The following TPD52 variants were observed in gnomAD, a reference collection of about 807,000 sequenced individuals.
TPD52 encodes tumor protein D52, also known as prostate and colon associated protein.
Under a neutral mutation model 31.3 loss-of-function variants are expected in TPD52, and 17 were observed. The observed-to-expected ratio is 0.54, with a 90% CI of 0.37 to 0.82. The LOEUF is 0.82. Among genes scored for constraint, TPD52 ranks in the 40% least tolerant of loss-of-function variants. The pLI is 0.00. For synonymous variants in TPD52, 83 were observed against 89.6 expected (o/e 0.93, Z 0.42); for missense variants, 212 against 240.1 (o/e 0.88, Z 0.77).
rs116382023 is a variant in TPD52 at position 80,171,332 on chromosome 8, C to T, written c.19+93G>A. 2.6e-3 allele frequency: 4,017 copies of T among 1,531,738 alleles called. 95 individuals carry two copies. In the African/African-American group the frequency reaches 0.049, roughly 19 times the overall value. The allele number at this position is 1,531,738 out of a possible 1,614,324, so 94.9% of individuals were successfully genotyped here. ...CAGGAGGCTCGGCACCTGCTCGAGC[C>T]GCCGGGCCGCGCTCAGCCCCGCGCC... On this transcript the variant is annotated intron_variant, in intron 1 of 7. Transcript: ENST00000518937.
chr8:80,067,414 C>G (rs531403391), intron 1 of TPD52: 5 of 152,012 alleles, frequency 3.3e-5, no homozygotes, highest in African/African-American at 4.8e-5. Flanking sequence ...TGGTAGATAC[C>G]AAAATCACCA....
At chr8:80,032,279 C>T (rs1198254862), downstream of TPD52, among the ~76,000 whole-genome samples, 1 of 151,842 alleles carries the variant, frequency 6.6e-6, no homozygotes, top group Non-Finnish European at 1.5e-5. Context: ...CTGAACAAGT[C>T]AATAGGGGGA....
intron 1 of TPD52, among the ~76,000 whole-genome samples, chr8:80,129,705 T>TTC (rs1187192704): frequency 4.8e-5 from 7 of 147,230 alleles, no homozygotes; most frequent in Non-Finnish European, 1.1e-4. Context: ...TCTCATTTCT[T>TTC]TTTTTTTTTT....
chr8:80,031,264 G>A (rs1424831954), downstream of TPD52, among the ~76,000 whole-genome samples: 7 of 152,162 alleles, frequency 4.6e-5, no homozygotes. Flanking sequence ...TGGGTTTTAA[G>A]CTTTTCTGAT....
rs1333320856 is a variant in TPD52, at chr8:80,051,547, G to T, written c.366C>A (p.Thr122=). The change falls in exon 4 of 8, where the codon ACC becomes ACA. Residue 122 remains threonine, a synonymous_variant. Coordinates refer to ENST00000518937, the MANE Select transcript of TPD52 (RefSeq NM_001025253.3). ...CATACTTTACATCTTCCAGCTTTTT[G>T]GTGATGACTGAGCCAACAGACGAAA... is the stretch of plus-strand genomic sequence containing the variant. The part of the protein sequence containing the change: ...AAFSSVGSVI[T]KKLEDVKLQA... The T allele has an allele frequency of 1.9e-6, 3 of 1,613,530 alleles. No individual in the cohort carries two copies. The highest frequency in any genetic ancestry group is 2.5e-6 in the Non-Finnish European group (3 of 1,179,726).
intron 1 of TPD52, among the ~76,000 whole-genome samples, chr8:80,125,936 G>A (rs1214540219): frequency 1.3e-5 from 2 of 152,174 alleles, no homozygotes; most frequent in Admixed American, 6.5e-5. Context: ...GTGAGTATGT[G>A]AGGAGGACGT....
chr8:80,073,506 A>G (rs1296586009), intron 1 of TPD52, among the ~76,000 whole-genome samples: 1 of 152,228 alleles, frequency 6.6e-6, no homozygotes, highest in Non-Finnish European at 1.5e-5. Flanking sequence ...GGTCCAGTCT[A>G]TTGTATAGAA....
intron 1 of TPD52, among the ~76,000 whole-genome samples, chr8:80,162,610 A>C (rs926898405): frequency 2.0e-5 from 3 of 151,484 alleles, no homozygotes; most frequent in African/African-American, 7.3e-5. Context: ...ACAAAAGAGA[A>C]AGACTCAATC....
chr8:80,151,579 C>T (rs780761479), intron 1 of TPD52, among the ~76,000 whole-genome samples: 32 of 152,168 alleles, frequency 2.1e-4, no homozygotes, highest in Non-Finnish European at 3.4e-4. Context: ...AAAAAAAGAT[C>T]AGTTTTTTCT....
rs1809674687 is a variant in TPD52 at position 80,139,525 on chromosome 8, T to C, written c.19+31900A>G. ...CAGTATATGGTCCAGATTAATACAGTTAATAATTACCCACTCTGGGGCATA... is the reference window on the plus strand; with the variant it reads ...CAGTATATGGTCCAGATTAATACAGCTAATAATTACCCACTCTGGGGCATA... On this transcript the variant is annotated intron_variant, in intron 1 of 7. Transcript: ENST00000518937. Among the ~76,000 whole-genome samples the C allele has an allele frequency of 2.0e-5, 3 of 152,008 alleles. No homozygotes were observed. The South Asian group carries it at 6.2e-4, about 32-fold the overall frequency.
intron 1 of TPD52, among the ~76,000 whole-genome samples, chr8:80,086,319 A>T (rs1203825857): frequency 6.6e-6 from 1 of 151,272 alleles, no homozygotes; most frequent in Non-Finnish European, 1.5e-5. Context: ...GAGTTTCACC[A>T]TATTGGCTAG....
In TPD52 at chr8:80,147,191, A is replaced by G. The variant is rs151092354; in HGVS notation, c.19+24234T>C. ...TCTACACTCTTGCCTATCTTTATCT[A>G]TACTCTTGTGTTCATGTATTGCTCC... On this transcript the variant is annotated intron_variant, in intron 1 of 7. Coordinates refer to ENST00000518937, the MANE Select transcript of TPD52 (RefSeq NM_001025253.3). 4.2e-3 allele frequency among the ~76,000 whole-genome samples: 642 copies of G among 152,272 alleles called. 1 individual carries two copies. Among genetic ancestry groups the G allele is most frequent in the Non-Finnish European group, 7.6e-3 (515 of 68,022 alleles).
At chr8:80,033,604 A>G (rs774347225), downstream of TPD52, among the ~76,000 whole-genome samples, 1 of 152,162 alleles carries the variant, frequency 6.6e-6, no homozygotes, top group Non-Finnish European at 1.5e-5. Flanking sequence ...AGCCAGGAAC[A>G]TGTTACAGTT....
intron 1 of TPD52, among the ~76,000 whole-genome samples, chr8:80,107,888 G>A (rs1807243174): frequency 1.3e-5 from 2 of 152,148 alleles, no homozygotes; most frequent in African/African-American, 4.8e-5. Flanking sequence ...ACAGATTGGT[G>A]TTGGCTCTGC....
chr8:80,057,429 C>A (rs1812016545), intron 2 of TPD52, among the ~76,000 whole-genome samples: 1 of 152,148 alleles, frequency 6.6e-6, no homozygotes, highest in African/African-American at 2.4e-5. Context: ...GACATGAAAC[C>A]AACCCCGGTG....
At chr8:80,166,628 GCACAGTGGCT>G (rs1811735880) in intron 1 of TPD52, among the ~76,000 whole-genome samples, 1 of 151,762 alleles carries the variant, frequency 6.6e-6, no homozygotes, top group African/African-American at 2.4e-5. Context: ...TGTTGGCCGG[GCACAGTGGCT>G]CACGCCTGTA....
chr8:80,143,085 T>C (rs1809950270), intron 1 of TPD52, among the ~76,000 whole-genome samples: 1 of 152,196 alleles, frequency 6.6e-6, no homozygotes. Flanking sequence ...CTATGAACCA[T>C]ATGAACTAGG....
At chr8:80,150,940 G>C (rs1317817751) in intron 1 of TPD52, among the ~76,000 whole-genome samples, 1 of 152,188 alleles carries the variant, frequency 6.6e-6, no homozygotes, top group African/African-American at 2.4e-5. Context: ...GCAATGTGAG[G>C]ACATGAGATT....
intron 1 of TPD52, among the ~76,000 whole-genome samples, chr8:80,166,618 T>G (rs1358257079): frequency 1.3e-5 from 2 of 151,860 alleles, no homozygotes; most frequent in African/African-American, 4.8e-5. Context: ...TTTTGTGATT[T>G]GTTGGCCGGG....
Sources: allele counts gnomAD v4.1 joint callset (sites outside exome capture counted in the v4.1 genomes callset), GRCh38; gene constraint gnomAD v4.1.1; transcripts MANE v1.5; gene names NCBI Gene and HGNC (gene_info 2026-07-23, HGNC 2026-07-21).